The following CPEB1 variants were observed in gnomAD, a reference collection of about 807,000 sequenced individuals.
The protein encoded by CPEB1 is cytoplasmic polyadenylation element binding protein 1.
In CPEB1, 7 loss-of-function variants were observed where a neutral mutation model predicts 65.8. That is an observed-to-expected ratio of 0.11 (90% CI 0.06 to 0.20). The LOEUF (loss-of-function observed/expected upper bound fraction) is 0.20. CPEB1 is among the 10% of genes least tolerant of loss of function. The pLI is 1.00. For synonymous variants in CPEB1, 262 were observed against 260.0 expected, an observed-to-expected ratio of 1.01 and a Z score of -0.08; for missense variants, 551 against 712.2, an observed-to-expected ratio of 0.77 and a Z score of 2.58.
intron 4 of CPEB1, among the ~76,000 whole-genome samples, chr15:82,568,428 G>A (rs1304427285): frequency 6.6e-6 from 1 of 152,094 alleles, no homozygotes; most frequent in African/African-American, 2.4e-5. Flanking sequence ...CACTCATCTT[G>A]CCCCCAAAGT....
At chr15:82,573,848 C>T (rs2040358094) in intron 3 of CPEB1, among the ~76,000 whole-genome samples, 4 of 152,162 alleles carry the variant, frequency 2.6e-5, no homozygotes, top group Admixed American at 2.0e-4. Flanking sequence ...GGTGTGGTGG[C>T]TCATGCCTAT....
intron 2 of CPEB1, chr15:82,628,003 AAG>A (rs750626034): frequency 8.6e-6 from 5 of 578,230 alleles, no homozygotes; most frequent in African/African-American, 1.9e-5. Flanking sequence ...CAACATCTCT[AAG>A]TCAGCCTCCA....
chr15:82,627,835 T>C (rs1172360974), intron 2 of CPEB1, among the ~76,000 whole-genome samples: 1 of 152,194 alleles, frequency 6.6e-6, no homozygotes, highest in Non-Finnish European at 1.5e-5. Context: ...AGTCAGAAAG[T>C]ACCTTGCCAG....
chr15:82,593,733 A>C (rs1344974120), intron 3 of CPEB1, among the ~76,000 whole-genome samples: 2 of 152,236 alleles, frequency 1.3e-5, no homozygotes, highest in Non-Finnish European at 2.9e-5. Flanking sequence ...TTCTTAAATA[A>C]TAAGACTTGA....
chr15:82,583,888 A>G (rs2041520552), intron 3 of CPEB1, among the ~76,000 whole-genome samples: 1 of 152,248 alleles, frequency 6.6e-6, no homozygotes, highest in Admixed American at 6.5e-5. Flanking sequence ...AGGAATCAAT[A>G]TGAATTGTCT....
chr15:82,557,609 A>G, intron 5 of CPEB1, 151 bp downstream of exon 5: 1 of 654,652 alleles, frequency 1.5e-6, no homozygotes, highest in South Asian at 1.9e-5. Context: ...AACTCTACAA[A>G]TGTCCACAAT....
chr15:82,590,209 C>CAAAAAAAAAAAA (rs5814120), intron 3 of CPEB1, among the ~76,000 whole-genome samples: 1 of 104,156 alleles, frequency 9.6e-6, no homozygotes, highest in South Asian at 2.9e-4. Context: ...ATCCCTTTGA[C>CAAAAAAAAAAAA]AAAAAAAAAA....
intron 1 of CPEB1, among the ~76,000 whole-genome samples, chr15:82,644,148 T>C (rs1237260007): frequency 1.3e-5 from 2 of 152,088 alleles, no homozygotes; most frequent in Non-Finnish European, 2.9e-5. Flanking sequence ...ACACAGCACA[T>C]TCCTCCTAAC....
chr15:82,580,650 T>C (rs561633648), intron 3 of CPEB1, among the ~76,000 whole-genome samples: 2 of 152,232 alleles, frequency 1.3e-5, no homozygotes, highest in African/African-American at 4.8e-5. Context: ...AAGCTAAAAT[T>C]TTGTACCATT....
intron 8 of CPEB1, among the ~76,000 whole-genome samples, chr15:82,552,886 G>A (rs879817783): frequency 6.6e-6 from 1 of 152,220 alleles, no homozygotes; most frequent in Non-Finnish European, 1.5e-5. Flanking sequence ...CAAGAACACA[G>A]AGCATGTTCA....
intron 3 of CPEB1, among the ~76,000 whole-genome samples, chr15:82,617,765 G>A (rs1249713300): frequency 5.6e-5 from 6 of 107,740 alleles, no homozygotes; most frequent in African/African-American, 1.5e-4. Flanking sequence ...ACGGAGTCTC[G>A]CTCTGTCGCC....
Position 82,629,961 on chromosome 15 carries a change from A to C in CPEB1, c.-97-1405T>G, listed in dbSNP as rs536373230. On this transcript the variant is annotated intron_variant, in intron 1 of 12. Coordinates refer to ENST00000684509, the MANE Select transcript of CPEB1 (RefSeq NM_001365242.1). ...GAAGACGACCAAAATACACAATCCT[A>C]CAAGGTTGTTTTCCCAAGCTCTCTA... 41 of 985,424 alleles carry C rather than the reference A, an allele frequency of 4.2e-5. No homozygotes were observed. The African/African-American group carries it at 6.6e-4, about 16-fold the overall frequency. 61.0% of individuals were successfully genotyped at this position (985,424 alleles called of 1,614,324 possible).
chr15:82,576,593 A>T (rs1029860916), intron 3 of CPEB1, among the ~76,000 whole-genome samples: 2 of 152,242 alleles, frequency 1.3e-5, no homozygotes, highest in African/African-American at 4.8e-5. Context: ...TCTAGGTGGT[A>T]TTACAGGTGT....
chr15:82,546,430 A>G lies in CPEB1; in HGVS notation c.1656+11T>C. 1 of 1,611,004 alleles carries G rather than the reference A, an allele frequency of 6.2e-7. No homozygotes were observed. Among genetic ancestry groups the G allele is most frequent in the South Asian group, 1.1e-5 (1 of 90,984 alleles). On this transcript the variant is annotated intron_variant, in intron 12 of 12. Transcript: ENST00000684509. ...AATAGAGGGCAGGGACTTCATAGAC[A>G]TCGGACCCACCTGATCTCGACAGAA...
At chr15:82,613,928 G>A (rs1488040396) in intron 3 of CPEB1, among the ~76,000 whole-genome samples, 2 of 151,934 alleles carry the variant, frequency 1.3e-5, no homozygotes, top group Admixed American at 6.6e-5. Flanking sequence ...GGCCTCCTTG[G>A]GAGGCTCCCA....
intron 3 of CPEB1, among the ~76,000 whole-genome samples, chr15:82,621,826 T>A (rs937317175): frequency 6.6e-6 from 1 of 152,190 alleles, no homozygotes; most frequent in African/African-American, 2.4e-5. Context: ...AATAAACATA[T>A]CAGTGCTAAA....
At chr15:82,644,297 G>A (rs587627644) in intron 1 of CPEB1, among the ~76,000 whole-genome samples, 2 of 152,210 alleles carry the variant, frequency 1.3e-5, no homozygotes, top group African/African-American at 2.4e-5. Flanking sequence ...TAGAATGTAC[G>A]CCACCAATAA....
At position 82,579,087 on chromosome 15, in the gene CPEB1, T is replaced by C. The variant is rs549361625; in HGVS notation, c.272-7555A>G. Among the ~76,000 whole-genome samples the C allele has an allele frequency of 5.9e-5, 9 of 152,242 alleles. No homozygotes were observed. In the South Asian group the frequency reaches 1.5e-3, roughly 25 times the overall value. On this transcript the variant is annotated intron_variant, in intron 3 of 12. Transcript: ENST00000684509. The stretch of plus-strand genomic sequence containing the variant: ...ATCTACCCACCTCGGCCTCCCAAAG[T>C]GCTAGGATCACAGGCATGAACCACC...
chr15:82,638,956 C>A (rs996186950), intron 1 of CPEB1, among the ~76,000 whole-genome samples: 2 of 152,158 alleles, frequency 1.3e-5, no homozygotes, highest in East Asian at 3.9e-4. Context: ...TTTTACTCAC[C>A]CCCATTGCTT....
Sources: gnomAD v4.1 joint callset for allele counts (sites outside exome capture counted in the v4.1 genomes callset) on GRCh38, gnomAD v4.1.1 for gene constraint, MANE v1.5 for transcripts, NCBI Gene and HGNC (gene_info 2026-07-23, HGNC 2026-07-21) for gene names.